Variants in CNTN5 observed in about 807,000 individuals in gnomAD.
CNTN5 encodes the protein contactin 5, also known as contactin-5.
A neutral mutation model predicts 129.1 loss-of-function variants in CNTN5; 77 were observed. That is an observed-to-expected ratio of 0.60 (90% CI 0.50 to 0.72). CNTN5 has a LOEUF of 0.72. CNTN5 is among the 30% of genes least tolerant of loss of function. The pLI is 0.00. For synonymous variants in CNTN5, 509 were observed against 465.6 expected (o/e 1.09, Z -1.20); for missense variants, 1,478 against 1,328.8 (o/e 1.11, Z -1.75).
At chr11:99,822,859 C>T (rs140237864) in intron 4 of CNTN5, among the ~76,000 whole-genome samples, 1 of 152,190 alleles carries the variant, frequency 6.6e-6, no homozygotes, top group Non-Finnish European at 1.5e-5. Flanking sequence ...GATATGACTC[C>T]CAACAATGGG....
chr11:99,987,775 A>T (rs1051718070), intron 8 of CNTN5, among the ~76,000 whole-genome samples: 1 of 152,176 alleles, frequency 6.6e-6, no homozygotes, highest in Admixed American at 6.5e-5. Context: ...CAGACTTAAT[A>T]AAGTCCTAGC....
At chr11:99,431,078 C>T (rs554271022) in intron 2 of CNTN5, among the ~76,000 whole-genome samples, 19 of 149,592 alleles carry the variant, frequency 1.3e-4, no homozygotes, top group African/African-American at 4.7e-4. Flanking sequence ...TTAGGCATAA[C>T]TCGGAACTCT....
intron 13 of CNTN5, among the ~76,000 whole-genome samples, chr11:100,181,837 A>G (rs1196248397): frequency 6.6e-6 from 1 of 152,060 alleles, no homozygotes; most frequent in Non-Finnish European, 1.5e-5. Flanking sequence ...CAATAACTAT[A>G]AAACATTGCT....
intron 2 of CNTN5, among the ~76,000 whole-genome samples, chr11:99,339,039 T>C (rs1201171274): frequency 2.0e-5 from 3 of 148,794 alleles, no homozygotes; most frequent in Non-Finnish European, 3.0e-5. Flanking sequence ...TGAATCATTT[T>C]ATTAGTCCTT....
intron 3 of CNTN5, among the ~76,000 whole-genome samples, chr11:99,714,687 A>G (rs1955144947): frequency 6.6e-6 from 1 of 151,966 alleles, no homozygotes; most frequent in Non-Finnish European, 1.5e-5. Flanking sequence ...CACACCAAGG[A>G]ATAACGAGGT....
At chr11:99,124,058 C>A (rs1304782883) in intron 1 of CNTN5, among the ~76,000 whole-genome samples, 1 of 151,980 alleles carries the variant, frequency 6.6e-6, no homozygotes, top group Non-Finnish European at 1.5e-5. Flanking sequence ...TGTCCTAATT[C>A]TGTGAAGAAT....
intron 2 of CNTN5, among the ~76,000 whole-genome samples, chr11:99,407,382 G>A (rs1055605669): frequency 1.3e-5 from 2 of 152,102 alleles, no homozygotes; most frequent in Non-Finnish European, 2.9e-5. Context: ...GGATGTCACA[G>A]CTCTGACTAG....
chr11:99,249,656 A>G (rs1861998775), intron 1 of CNTN5, among the ~76,000 whole-genome samples: 1 of 152,016 alleles, frequency 6.6e-6, no homozygotes, highest in Non-Finnish European at 1.5e-5. Flanking sequence ...AGAGATTTTT[A>G]TGATTCTCTT....
intron 6 of CNTN5, among the ~76,000 whole-genome samples, chr11:99,850,214 A>AT (rs1396431648): frequency 6.6e-6 from 1 of 152,050 alleles, no homozygotes; most frequent in Non-Finnish European, 1.5e-5. Flanking sequence ...TTACTAACAT[A>AT]TTTTTTCTTT....
intron 1 of CNTN5, among the ~76,000 whole-genome samples, chr11:99,245,818 C>T (rs971240819): frequency 2.0e-5 from 3 of 152,084 alleles, no homozygotes; most frequent in Admixed American, 6.6e-5. Context: ...GACTGTCTTG[C>T]GTATCACAAT....
chr11:99,890,453 TAA>T (rs1232738972), intron 6 of CNTN5, among the ~76,000 whole-genome samples: 6 of 152,012 alleles, frequency 3.9e-5, no homozygotes, highest in Non-Finnish European at 8.8e-5. Context: ...GGATTATATA[TAA>T]GATATATTCA....
intron 9 of CNTN5, among the ~76,000 whole-genome samples, chr11:100,046,664 A>G (rs1355011240): frequency 1.3e-5 from 2 of 152,168 alleles, no homozygotes; most frequent in African/African-American, 4.8e-5. Flanking sequence ...TTATTCTATT[A>G]TCAGACTTTG....
chr11:99,673,906 T>C (rs531273136), intron 3 of CNTN5, among the ~76,000 whole-genome samples: 74 of 152,330 alleles, frequency 4.9e-4, no homozygotes, highest in African/African-American at 1.8e-3. Flanking sequence ...AGTGCTGCAA[T>C]GGACATATGC....
intron 1 of CNTN5, among the ~76,000 whole-genome samples, chr11:99,146,868 C>A (rs756433461): frequency 6.6e-6 from 1 of 151,978 alleles, no homozygotes; most frequent in Non-Finnish European, 1.5e-5. Flanking sequence ...ACTACAGGCA[C>A]GTGCCACCAC....
intron 13 of CNTN5, 24 bp from the exon 14 acceptor site, chr11:100,191,102 A>AAG: frequency 6.4e-7 from 1 of 1,559,522 alleles, no homozygotes; most frequent in Non-Finnish European, 8.7e-7. Flanking sequence ...ACAGAAAAAA[A>AAG]AACTGTTTTT....
intron 6 of CNTN5, among the ~76,000 whole-genome samples, chr11:99,847,607 A>G (rs902408716): frequency 2.0e-5 from 3 of 152,168 alleles, no homozygotes; most frequent in African/African-American, 7.2e-5. Flanking sequence ...CTGCCTCAAA[A>G]TTGTTTCTCC....
At chr11:100,221,961 TTC>T (rs997932536) in intron 15 of CNTN5, among the ~76,000 whole-genome samples, 2 of 152,174 alleles carry the variant, frequency 1.3e-5, no homozygotes, top group African/African-American at 4.8e-5. Flanking sequence ...ATTGTGGAGG[TTC>T]TCTCTCAGGA....
At chr11:99,090,569 A>T (rs1352772254) in intron 1 of CNTN5, among the ~76,000 whole-genome samples, 2 of 152,060 alleles carry the variant, frequency 1.3e-5, no homozygotes, top group Non-Finnish European at 2.9e-5. Flanking sequence ...AATCCCTTAT[A>T]CCTGTGCAAG....
intron 4 of CNTN5, among the ~76,000 whole-genome samples, chr11:99,820,873 T>C (rs1016373989): frequency 6.6e-6 from 1 of 152,236 alleles, no homozygotes; most frequent in African/African-American, 2.4e-5. Flanking sequence ...GGAACTAAGA[T>C]ATTGGAAAGA....
Sources: allele counts gnomAD v4.1 joint callset (sites outside exome capture counted in the v4.1 genomes callset), GRCh38; gene constraint gnomAD v4.1.1; transcripts MANE v1.5; gene names NCBI Gene and HGNC (gene_info 2026-07-23, HGNC 2026-07-21).